The following SEMA6D variants were observed in gnomAD, a reference collection of about 807,000 sequenced individuals.
SEMA6D encodes the protein semaphorin 6D, also known as semaphorin-6D.
In SEMA6D, 35 loss-of-function variants were observed where a neutral mutation model predicts 106.6. The observed-to-expected ratio is 0.33, with a 90% CI of 0.25 to 0.44. The LOEUF (loss-of-function observed/expected upper bound fraction) is 0.44. Ranked by LOEUF, SEMA6D falls within the 20% of genes least tolerant of loss-of-function variation. The pLI, the probability that SEMA6D is intolerant of heterozygous loss-of-function variation, is 1.00. For synonymous variants in SEMA6D, 499 were observed against 487.7 expected (o/e 1.02, Z -0.31); for missense variants, 1,185 against 1,345.9 (o/e 0.88, Z 1.87).
intron 3 of SEMA6D, among the ~76,000 whole-genome samples, chr15:47,518,380 T>G (rs1266400621): frequency 6.6e-6 from 1 of 152,134 alleles, no homozygotes; most frequent in Non-Finnish European, 1.5e-5. Flanking sequence ...TTCACTTTCT[T>G]TTAGACAAAA....
intron 3 of SEMA6D, among the ~76,000 whole-genome samples, chr15:47,508,776 C>G (rs1028569464): frequency 6.6e-6 from 1 of 152,180 alleles, no homozygotes; most frequent in East Asian, 1.9e-4. Context: ...TTTCTGAGTT[C>G]AAATACTGGC....
At chr15:47,228,535 A>G (rs1285058204) in intron 1 of SEMA6D, among the ~76,000 whole-genome samples, 3 of 152,012 alleles carry the variant, frequency 2.0e-5, no homozygotes, top group Non-Finnish European at 4.4e-5. Context: ...ACTCATATGT[A>G]GAGAAAAAAT....
At chr15:47,475,842 C>T (rs993221307) in intron 3 of SEMA6D, among the ~76,000 whole-genome samples, 3 of 152,162 alleles carry the variant, frequency 2.0e-5, no homozygotes, top group African/African-American at 4.8e-5. Flanking sequence ...TCAATTTCCC[C>T]CCTTTCTAAC....
intron 2 of SEMA6D, among the ~76,000 whole-genome samples, chr15:47,438,396 C>T (rs577857705): frequency 7.9e-5 from 12 of 152,206 alleles, no homozygotes; most frequent in African/African-American, 2.9e-4. Context: ...GATATTACTA[C>T]TTCTCTACTG....
intron 1 of SEMA6D, among the ~76,000 whole-genome samples, chr15:47,724,532 T>A (rs751218672): frequency 2.6e-5 from 4 of 152,090 alleles, no homozygotes; most frequent in Non-Finnish European, 4.4e-5. Flanking sequence ...TTTGAGCTGG[T>A]TCTTGAACTA....
chr15:47,197,636 G>GA (rs968098041), intron 1 of SEMA6D, among the ~76,000 whole-genome samples: 10 of 150,166 alleles, frequency 6.7e-5, no homozygotes, highest in Admixed American at 1.3e-4. Context: ...AAATTAGTGG[G>GA]AAAAAAAAAT....
intron 4 of SEMA6D, among the ~76,000 whole-genome samples, chr15:47,657,839 C>T (rs2077832278): frequency 1.4e-5 from 2 of 142,712 alleles, no homozygotes; most frequent in Non-Finnish European, 3.0e-5. Flanking sequence ...GTCCCAGGTT[C>T]ATGCCATTCT....
intron 4 of SEMA6D, among the ~76,000 whole-genome samples, chr15:47,621,563 A>G (rs936426520): frequency 5.9e-5 from 9 of 152,208 alleles, no homozygotes; most frequent in South Asian, 4.2e-4. Flanking sequence ...GCCTGAGTTC[A>G]TAGCCACACT....
chr15:47,572,112 AG>A (rs1309616646), intron 3 of SEMA6D, among the ~76,000 whole-genome samples: 1 of 152,212 alleles, frequency 6.6e-6, no homozygotes, highest in Non-Finnish European at 1.5e-5. Context: ...GAGGCAGTAC[AG>A]GTTTCTGAAA....
intron 2 of SEMA6D, among the ~76,000 whole-genome samples, chr15:47,423,159 T>C (rs1453500415): frequency 6.6e-6 from 1 of 152,116 alleles, no homozygotes; most frequent in East Asian, 1.9e-4. Context: ...GCCACACCTC[T>C]TATGCTTAGG....
chr15:47,310,500 T>C (rs1210270257), intron 1 of SEMA6D, among the ~76,000 whole-genome samples: 1 of 152,228 alleles, frequency 6.6e-6, no homozygotes, highest in Non-Finnish European at 1.5e-5. Flanking sequence ...ACTTGTAGGC[T>C]ACTTTGGAGG....
At chr15:47,694,684 A>G (rs2078662385) in intron 4 of SEMA6D, among the ~76,000 whole-genome samples, 1 of 152,114 alleles carries the variant, frequency 6.6e-6, no homozygotes, top group Non-Finnish European at 1.5e-5. Flanking sequence ...TCACATGAAT[A>G]CAAACAACCC....
intron 4 of SEMA6D, among the ~76,000 whole-genome samples, chr15:47,643,364 G>T (rs1168183876): frequency 6.6e-6 from 1 of 151,452 alleles, no homozygotes; most frequent in Non-Finnish European, 1.5e-5. Context: ...CTCAGTGTCT[G>T]CAGCATAGCT....
At chr15:47,216,585 T>G in intron 1 of SEMA6D, among the ~76,000 whole-genome samples, 1 of 152,118 alleles carries the variant, frequency 6.6e-6, no homozygotes, top group Non-Finnish European at 1.5e-5. Flanking sequence ...AAATGTTTCT[T>G]AAGAAAATAA....
At chr15:47,275,719 G>A (rs796592199) in intron 1 of SEMA6D, among the ~76,000 whole-genome samples, 61 of 151,958 alleles carry the variant, frequency 4.0e-4, no homozygotes, top group African/African-American at 1.4e-3. Context: ...TTGAATTTAG[G>A]CCAATTAGTA....
At chr15:47,299,499 G>T (rs745569795) in intron 1 of SEMA6D, among the ~76,000 whole-genome samples, 6 of 152,110 alleles carry the variant, frequency 3.9e-5, no homozygotes, top group Non-Finnish European at 8.8e-5. Flanking sequence ...TGATCTGCTC[G>T]GCCAATAAAC....
chr15:47,466,834 C>T (rs983061514), intron 2 of SEMA6D, among the ~76,000 whole-genome samples: 24 of 149,062 alleles, frequency 1.6e-4, no homozygotes, highest in South Asian at 4.4e-4. Flanking sequence ...TCAAGTGATT[C>T]TCCTGCCTCA....
intron 3 of SEMA6D, among the ~76,000 whole-genome samples, chr15:47,534,190 CTTCTTTTTTTT>C (rs2045075588): frequency 6.6e-6 from 1 of 151,880 alleles, no homozygotes; most frequent in Non-Finnish European, 1.5e-5. Flanking sequence ...CCAAAAATGC[CTTCTTTTTTTT>C]TTAAATGGAG....
rs529583457 is a variant in SEMA6D, at chr15:47,707,177, T to G, written c.-54-52568T>G. On this transcript the variant is annotated intron_variant, in intron 4 of 19. Transcript: ENST00000558014. ...CAAATCAAGTAAAATGACATGTTCA[T>G]GATGTCCAAGAAAATTGAGAGGAGC... Among the ~76,000 whole-genome samples the G allele has an allele frequency of 2.6e-5, 4 of 152,298 alleles. No individual in the cohort carries two copies. In the South Asian group the frequency reaches 8.3e-4, roughly 32 times the overall value.
Sources: allele counts gnomAD v4.1 joint callset (sites outside exome capture counted in the v4.1 genomes callset), GRCh38; gene constraint gnomAD v4.1.1; transcripts MANE v1.5; gene names NCBI Gene and HGNC (gene_info 2026-07-23, HGNC 2026-07-21).